Variants in DLG2 observed in about 807,000 individuals in gnomAD.
DLG2 encodes discs large MAGUK scaffold protein 2.
In DLG2, 45 loss-of-function variants were observed where a neutral mutation model predicts 132.5. The observed-to-expected ratio is 0.34, with a 90% confidence interval of 0.27 to 0.44. The LOEUF (loss-of-function observed/expected upper bound fraction) is 0.44, where lower values mean the gene tolerates loss of function less well. DLG2 is among the 20% of genes least tolerant of loss of function. The probability of loss-of-function intolerance (pLI) is 1.00; values close to 1 mark genes in which losing one functional copy is unlikely to be tolerated. For synonymous variants in DLG2, 424 were observed against 419.6 expected (o/e 1.01, Z -0.13); for missense variants, 1,045 against 1,196.9 (o/e 0.87, Z 1.87).
At chr11:83,518,304 G>A (rs1397569917) in intron 21 of DLG2, among the ~76,000 whole-genome samples, 2 of 152,222 alleles carry the variant, frequency 1.3e-5, no homozygotes, top group East Asian at 1.9e-4. Flanking sequence ...CTCCATGGGC[G>A]TAGAACCCTC....
intron 18 of DLG2, among the ~76,000 whole-genome samples, chr11:83,753,868 T>G (rs1475114127): frequency 1.2e-5 from 1 of 85,682 alleles, no homozygotes; most frequent in African/African-American, 8.7e-5. Context: ...ATATATTTCA[T>G]ATATATGATA....
intron 7 of DLG2, among the ~76,000 whole-genome samples, chr11:84,453,353 A>C (rs1182693760): frequency 6.6e-6 from 1 of 151,664 alleles, no homozygotes; most frequent in Non-Finnish European, 1.5e-5. Context: ...ATATACTGAA[A>C]GAGGGATAAG....
At chr11:84,176,082 G>C (rs2095956442) in intron 8 of DLG2, among the ~76,000 whole-genome samples, 1 of 151,746 alleles carries the variant, frequency 6.6e-6, no homozygotes, top group Non-Finnish European at 1.5e-5. Flanking sequence ...CGTATATATA[G>C]TGATGTTTTA....
chr11:85,545,756 A>G (rs1338815039), intron 3 of DLG2, among the ~76,000 whole-genome samples: 2 of 152,048 alleles, frequency 1.3e-5, no homozygotes, highest in Non-Finnish European at 2.9e-5. Context: ...TTTCTTCTAG[A>G]GTTTCTAGTT....
rs969719854 is a variant in DLG2 at position 85,028,982 on chromosome 11, T to C, written c.357+82679A>G. On this transcript the variant is annotated intron_variant, in intron 6 of 27. Transcript: ENST00000376104. ...ACACAGGCTGCAGCTGCCCTCATAA[T>C]GTAATATGAAAGTATCAATATTTAT... Among the ~76,000 whole-genome samples, 10 of 152,294 alleles carry C rather than the reference T, an allele frequency of 6.6e-5. No individual in the cohort carries two copies. The East Asian group carries it at 1.9e-3, about 29-fold the overall frequency.
At chr11:84,424,253 G>A (rs1248255276) in intron 7 of DLG2, among the ~76,000 whole-genome samples, 8 of 151,980 alleles carry the variant, frequency 5.3e-5, no homozygotes, top group Admixed American at 5.2e-4. Context: ...GCTATATTAG[G>A]GCAGAAATGT....
At chr11:84,581,655 T>C (rs528821348) in intron 6 of DLG2, among the ~76,000 whole-genome samples, 10 of 152,264 alleles carry the variant, frequency 6.6e-5, no homozygotes, top group Admixed American at 5.9e-4. Context: ...ACACCTGTAA[T>C]TCCAGCACTT....
intron 16 of DLG2, among the ~76,000 whole-genome samples, chr11:83,864,204 C>G (rs1400308): frequency 1.3e-5 from 2 of 152,124 alleles, no homozygotes; most frequent in Non-Finnish European, 2.9e-5. Flanking sequence ...AAATTCCACC[C>G]GAACAGTGCT....
chr11:84,431,435 A>G (rs986801277), intron 7 of DLG2, among the ~76,000 whole-genome samples: 4 of 152,312 alleles, frequency 2.6e-5, no homozygotes, highest in African/African-American at 7.2e-5. Flanking sequence ...TGTTGTTTAG[A>G]CATATAAATA....
chr11:84,993,858 T>C (rs2057380542), intron 6 of DLG2, among the ~76,000 whole-genome samples: 1 of 152,026 alleles, frequency 6.6e-6, no homozygotes. Flanking sequence ...TATCTATCAG[T>C]GTACGTTTAT....
At chr11:85,490,775 C>A in intron 3 of DLG2, among the ~76,000 whole-genome samples, 1 of 151,938 alleles carries the variant, frequency 6.6e-6, no homozygotes, top group Non-Finnish European at 1.5e-5. Flanking sequence ...CCTGAACAAA[C>A]CAGTAACAAG....
intron 6 of DLG2, among the ~76,000 whole-genome samples, chr11:84,916,818 G>C (rs763961818): frequency 3.9e-5 from 6 of 152,170 alleles, no homozygotes; most frequent in Non-Finnish European, 5.9e-5. Flanking sequence ...AGCCACACTG[G>C]CTTCTTAGAT....
intron 7 of DLG2, among the ~76,000 whole-genome samples, chr11:84,260,418 T>C (rs538867773): frequency 6.6e-6 from 1 of 152,276 alleles, no homozygotes; most frequent in Non-Finnish European, 1.5e-5. Flanking sequence ...ACACTTAGTA[T>C]AAAAGGCTAA....
intron 6 of DLG2, among the ~76,000 whole-genome samples, chr11:85,051,698 A>G (rs558065234): frequency 6.6e-6 from 1 of 152,328 alleles, no homozygotes; most frequent in African/African-American, 2.4e-5. Flanking sequence ...CCCAAAATTT[A>G]GCAGCTGTAT....
At chr11:83,881,055 A>G (rs377704799) in intron 15 of DLG2, among the ~76,000 whole-genome samples, 1 of 147,428 alleles carries the variant, frequency 6.8e-6, no homozygotes, top group African/African-American at 2.5e-5. Flanking sequence ...TTTAAAAAAA[A>G]TGATAAAAAC....
At chr11:85,203,043 T>C (rs1468249978) in intron 4 of DLG2, among the ~76,000 whole-genome samples, 4 of 150,180 alleles carry the variant, frequency 2.7e-5, no homozygotes, top group Non-Finnish European at 5.9e-5. Context: ...AATAATAAAT[T>C]TATTATTTAA....
intron 6 of DLG2, among the ~76,000 whole-genome samples, chr11:84,664,594 T>A (rs1298009213): frequency 6.6e-6 from 1 of 151,908 alleles, no homozygotes. Flanking sequence ...TGCCTGGAGG[T>A]CAGGTAATTG....
chr11:83,643,884 A>G (rs895706942), intron 18 of DLG2, among the ~76,000 whole-genome samples: 8 of 152,018 alleles, frequency 5.3e-5, no homozygotes, highest in African/African-American at 1.9e-4. Flanking sequence ...TTGTTCTACA[A>G]GTGACTACTT....
intron 9 of DLG2, among the ~76,000 whole-genome samples, chr11:84,114,096 AT>A (rs1179181010): frequency 6.6e-6 from 1 of 151,940 alleles, no homozygotes; most frequent in African/African-American, 2.4e-5. Flanking sequence ...ACTAGTTTTA[AT>A]TTTTTTAAGT....
Sources: gnomAD v4.1 joint callset for allele counts (sites outside exome capture counted in the v4.1 genomes callset) on GRCh38, gnomAD v4.1.1 for gene constraint, MANE v1.5 for transcripts, NCBI Gene and HGNC (gene_info 2026-07-23, HGNC 2026-07-21) for gene names.